NDRG2: variants seen among roughly 807,000 people sequenced by gnomAD.
NDRG2 encodes protein NDRG2.
Under a neutral mutation model 58.2 loss-of-function variants are expected in NDRG2, and 34 were observed. The ratio of observed to expected loss-of-function variants is 0.58; its 90% CI spans 0.44 to 0.78. The LOEUF (loss-of-function observed/expected upper bound fraction) is 0.78, where lower values mean the gene tolerates loss of function less well. Among genes scored for constraint, NDRG2 ranks in the 30% least tolerant of loss-of-function variants. The pLI is 0.00. For synonymous variants in NDRG2, 187 were observed against 175.9 expected (o/e 1.06, Z -0.50); for missense variants, 434 against 471.2 (o/e 0.92, Z 0.73).
At chr14:21,061,265 T>C (rs1371849788) in intron 1 of NDRG2, among the ~76,000 whole-genome samples, 1 of 152,222 alleles carries the variant, frequency 6.6e-6, no homozygotes, top group Non-Finnish European at 1.5e-5. Context: ...AGTTCAACCA[T>C]TCAATATCTG....
intron 1 of NDRG2, chr14:21,046,910 A>G (rs1167867358): frequency 1.3e-5 from 2 of 152,230 alleles, no homozygotes; most frequent in Non-Finnish European, 2.9e-5. Flanking sequence ...CTTCATCCTC[A>G]TTGTCTTCAC....
At chr14:21,021,088 A>G in intron 6 of NDRG2, 1 of 648,948 alleles carries the variant, frequency 1.5e-6, no homozygotes, top group Admixed American at 2.1e-5. Context: ...TCTTAAAAAC[A>G]AACACCCATC....
In NDRG2 at chr14:21,020,492, A is replaced by G; in HGVS notation, c.555+4T>C. The G allele has an allele frequency of 6.2e-7, 1 of 1,612,032 alleles. No homozygotes were observed. Among genetic ancestry groups the G allele is most frequent in the Non-Finnish European group, 8.5e-7 (1 of 1,179,004 alleles). On this transcript the variant is annotated splice_donor_region_variant and intron_variant, in intron 8 of 15. Transcript: ENST00000556147. Reference sequence around the variant, plus strand: ...TAGGTCTCAGCACACAGGCCCCTCCAAACCTTGTGGGCTGCCCAATCCATC... The same window carrying G: ...TAGGTCTCAGCACACAGGCCCCTCCGAACCTTGTGGGCTGCCCAATCCATC...
At chr14:21,019,809 A>G in intron 9 of NDRG2, 67 bp from the exon 10 acceptor site, 7 of 1,505,438 alleles carry the variant, frequency 4.6e-6, no homozygotes, top group Non-Finnish European at 6.5e-6. Flanking sequence ...GGAGGAAAAG[A>G]GGTAAGCCTT....
intron 1 of NDRG2, among the ~76,000 whole-genome samples, chr14:21,037,706 A>G (rs1013394619): frequency 6.6e-6 from 1 of 152,254 alleles, no homozygotes; most frequent in Non-Finnish European, 1.5e-5. Flanking sequence ...TTATGTATTA[A>G]AAAAATGATA....
At chr14:21,043,376 G>A (rs1884999648) in intron 1 of NDRG2, 1 of 1,614,162 alleles carries the variant, frequency 6.2e-7, no homozygotes. Context: ...GACAGAACAA[G>A]TCTTACGTAG....
chr14:21,023,302 T>C lies in NDRG2; in HGVS notation c.14A>G (p.Gln5Arg), dbSNP rs768343214. Residue 5 changes from glutamine (Q) to arginine (R), a missense_variant, in exon 2 of 16, where the codon CAG becomes CGG. Coordinates refer to ENST00000556147, the MANE Select transcript of NDRG2 (RefSeq NM_001320329.2). ...CTTCTCCTCTGTGATCTGCACCTCC[T>C]GCAGCTCCGCCATGGTGGCCTGGCA... MAEL[Q>R]EVQITEEKPL... 4 of 1,613,732 alleles carry C rather than the reference T, an allele frequency of 2.5e-6. No individual in the cohort carries two copies. The South Asian group carries it at 4.4e-5, about 18-fold the overall frequency.
At chr14:21,025,818 G>T, upstream of NDRG2, 2 of 676,108 alleles carry the variant, frequency 3.0e-6, no homozygotes, top group Non-Finnish European at 3.7e-6. This position sits in a 1 kb window ranked among gnomAD's most constrained non-coding sequence, Gnocchi z 5.1. Flanking sequence ...GGGGTGGGGA[G>T]AGGATGGCCA....
At chr14:21,035,148 T>G (rs1169397728) in intron 1 of NDRG2, among the ~76,000 whole-genome samples, 1 of 152,154 alleles carries the variant, frequency 6.6e-6, no homozygotes, top group Non-Finnish European at 1.5e-5. Context: ...GGGCTGAGAA[T>G]CAAAGACCTC....
chr14:21,059,878 T>C (rs556087672), intron 1 of NDRG2, among the ~76,000 whole-genome samples: 1 of 152,286 alleles, frequency 6.6e-6, no homozygotes, highest in African/African-American at 2.4e-5. Context: ...TTGATAGATA[T>C]TCACAGAGAG....
rs1444641397 is a variant in NDRG2 at position 21,023,323 on chromosome 14, T to A, written c.-6-2A>T. 1 of 1,612,438 alleles carries A rather than the reference T, an allele frequency of 6.2e-7. No homozygotes were observed. Among genetic ancestry groups the A allele is most frequent in the Non-Finnish European group, 8.5e-7 (1 of 1,179,238 alleles). On this transcript the variant is annotated splice_acceptor_variant, in intron 1 of 15. Coordinates refer to ENST00000556147, the MANE Select transcript of NDRG2 (RefSeq NM_001320329.2). LOFTEE classifies it low-confidence loss of function (5UTR_SPLICE). ...CTCCTGCAGCTCCGCCATGGTGGCC[T>A]GGCAGGATGAGGAAATGAGACTGGG...
Position 21,019,972 on chromosome 14 carries a change from G to GT in NDRG2, c.559dup (p.Thr187AsnfsTer26). 1 of 1,613,664 alleles carries GT rather than the reference G, an allele frequency of 6.2e-7. No individual in the cohort carries two copies. Among genetic ancestry groups the GT allele is most frequent in the Non-Finnish European group, 8.5e-7 (1 of 1,179,914 alleles). On this transcript the variant is annotated frameshift_variant, in exon 9 of 16. Coordinates refer to ENST00000556147, the MANE Select transcript of NDRG2 (RefSeq NM_001320329.2). LOFTEE classifies it high-confidence loss of function. ...CTCCGGAATGGAAGAGGTGAGGCCT[G>GT]TTAGCTATGAGGAGAAGGCAGGTGA...
upstream of NDRG2, among the ~76,000 whole-genome samples, chr14:21,027,287 C>T (rs1883754601): frequency 6.6e-6 from 1 of 152,200 alleles, no homozygotes; most frequent in African/African-American, 2.4e-5. Flanking sequence ...AACTCTTTCC[C>T]TTTGGCCAGA....
In NDRG2 at chr14:21,060,168, C is replaced by G. The variant is rs1044089986; in HGVS notation, c.24+10660G>C. ...ATGATTCAGAGTAAGGAAAGGATGT[C>G]TGGTGAAACGTGAAGTGGCAGAGAA... On this transcript the variant is annotated intron_variant, in intron 1 of 14. Coordinates refer to the NDRG2 transcript ENST00000403829. 2.0e-5 allele frequency among the ~76,000 whole-genome samples: 3 copies of G among 152,192 alleles called. No individual in the cohort carries two copies. The South Asian group carries it at 6.2e-4, about 31-fold the overall frequency.
Position 21,031,961 on chromosome 14 carries a change from C to T in NDRG2, c.25-8640G>A, listed in dbSNP as rs369062428. The T allele has an allele frequency of 9.3e-6, 15 of 1,614,018 alleles. No individual in the cohort carries two copies. Among genetic ancestry groups the T allele is most frequent in the South Asian group, 3.3e-5 (3 of 91,086 alleles). ...CAAGTACACCGGCACCCACAAGGAG[C>T]GCTTTGATGAGAGTGGCAAGGGCAA... On this transcript the variant is annotated intron_variant, in intron 1 of 14. Coordinates refer to the NDRG2 transcript ENST00000403829.
In NDRG2 at chr14:21,065,473, C is replaced by G. The variant is rs545588008; in HGVS notation, c.24+5355G>C. On this transcript the variant is annotated intron_variant, in intron 1 of 14. Coordinates refer to the NDRG2 transcript ENST00000403829. ...AGCAGTGACAAAATAGACAAGGTCC[C>G]TCATTTCATAAAGTTTATTTTTAAA... Among the ~76,000 whole-genome samples the G allele has an allele frequency of 3.5e-4, 54 of 152,270 alleles. 1 individual carries two copies. In the Middle Eastern group the frequency reaches 0.01, roughly 29 times the overall value.
At chr14:21,037,711 A>G (rs1414590512) in intron 1 of NDRG2, among the ~76,000 whole-genome samples, 1 of 152,274 alleles carries the variant, frequency 6.6e-6, no homozygotes, top group East Asian at 1.9e-4. Context: ...TATTAAAAAA[A>G]TGATAAACAT....
chr14:21,058,504 G>A (rs1885787525), intron 1 of NDRG2: 2 of 624,044 alleles, frequency 3.2e-6, no homozygotes, highest in African/African-American at 1.8e-5. Flanking sequence ...GTTTCTTAGG[G>A]AGTTTTACAG....
At chr14:21,042,079 T>C (rs1360750804) in intron 1 of NDRG2, 1 of 152,210 alleles carries the variant, frequency 6.6e-6, no homozygotes, top group African/African-American at 2.4e-5. Context: ...CTGAAATTGA[T>C]TTCAGTTGAC....
Sources: gnomAD v4.1 joint callset for allele counts (sites outside exome capture counted in the v4.1 genomes callset) on GRCh38, gnomAD v4.1.1 for gene constraint, Gnocchi (gnomAD v3.1) non-coding constraint, MANE v1.5 for transcripts, NCBI Gene and HGNC (gene_info 2026-07-23, HGNC 2026-07-21) for gene names.